Variants in KIFAP3 observed in about 807,000 individuals in gnomAD.
The protein encoded by KIFAP3 is kinesin associated protein 3.
In KIFAP3, 68 loss-of-function variants were observed where a neutral mutation model predicts 106.5. The observed-to-expected ratio is 0.64, with a 90% CI of 0.53 to 0.78. KIFAP3 has a LOEUF of 0.78. Ranked by LOEUF, KIFAP3 falls within the 30% of genes least tolerant of loss-of-function variation. The pLI, the probability that KIFAP3 is intolerant of heterozygous loss-of-function variation, is 0.00. For synonymous variants in KIFAP3, 320 were observed against 311.5 expected (o/e 1.03, Z -0.29); for missense variants, 780 against 941.8 (o/e 0.83, Z 2.25).
At chr1:170,021,941 C>CTTTTTTTTTTTTT (rs71125221) in intron 9 of KIFAP3, among the ~76,000 whole-genome samples, 21 of 77,908 alleles carry the variant, frequency 2.7e-4, no homozygotes, top group East Asian at 4.5e-4. Context: ...TCTTTTCTTT[C>CTTTTTTTTTTTTT]TTTTTTTTTT....
chr1:169,981,543 A>T (rs1666524581), intron 15 of KIFAP3, among the ~76,000 whole-genome samples: 1 of 152,154 alleles, frequency 6.6e-6, no homozygotes, highest in Non-Finnish European at 1.5e-5. Context: ...TATGGTTGTT[A>T]ATCTCTTACT....
At position 170,072,841 on chromosome 1, in the gene KIFAP3, T is replaced by A. The variant is rs1398158720; in HGVS notation, c.32+1595A>T. On this transcript the variant is annotated intron_variant, in intron 1 of 19. Coordinates refer to ENST00000361580, the MANE Select transcript of KIFAP3 (RefSeq NM_014970.4). ...GTCTGAAAACAGACAATTCAAACTT[T>A]TTATTATTTATAGTAAAAATTAGAT... Among the ~76,000 whole-genome samples, 6 of 152,298 alleles carry A rather than the reference T, an allele frequency of 3.9e-5. No homozygotes were observed. The East Asian group carries it at 9.6e-4, about 24-fold the overall frequency.
At chr1:170,077,847 A>G (rs1322433435), upstream of KIFAP3, among the ~76,000 whole-genome samples, 1 of 151,220 alleles carries the variant, frequency 6.6e-6, no homozygotes. Context: ...CATTTAGCAC[A>G]ATGCATTTGA....
intron 2 of KIFAP3, among the ~76,000 whole-genome samples, chr1:170,048,083 A>G (rs765878783): frequency 5.9e-5 from 9 of 152,210 alleles, no homozygotes; most frequent in African/African-American, 1.9e-4. Flanking sequence ...CTTATTATCC[A>G]TATGTAGATG....
chr1:169,930,515 CAT>C (rs1371453977), intron 19 of KIFAP3, among the ~76,000 whole-genome samples: 10 of 152,228 alleles, frequency 6.6e-5, no homozygotes, highest in African/African-American at 2.4e-4. Flanking sequence ...TGAACCCACT[CAT>C]GTGCATGAAA....
At chr1:169,953,627 G>A (rs2101842923) in intron 19 of KIFAP3, among the ~76,000 whole-genome samples, 1 of 152,078 alleles carries the variant, frequency 6.6e-6, no homozygotes, top group East Asian at 1.9e-4. Context: ...CCATTCTCCC[G>A]CCTCAGCCTC....
intron 19 of KIFAP3, among the ~76,000 whole-genome samples, chr1:169,934,717 C>T (rs1663689513): frequency 6.6e-6 from 1 of 151,976 alleles, no homozygotes; most frequent in African/African-American, 2.4e-5. Context: ...ATGGAATGCA[C>T]CATACATTTT....
At chr1:170,031,153 A>G (rs1257617786) in intron 8 of KIFAP3, among the ~76,000 whole-genome samples, 2 of 151,820 alleles carry the variant, frequency 1.3e-5, no homozygotes, top group Non-Finnish European at 3.0e-5. Context: ...ATTTTCTAGC[A>G]TATTTTAAAA....
At chr1:169,949,197 A>G (rs1664605335) in intron 19 of KIFAP3, among the ~76,000 whole-genome samples, 1 of 152,032 alleles carries the variant, frequency 6.6e-6, no homozygotes. Context: ...TATATAATAC[A>G]TATAATGCAT....
chr1:170,019,095 C>T (rs1209018366), intron 9 of KIFAP3, among the ~76,000 whole-genome samples: 3 of 152,112 alleles, frequency 2.0e-5, no homozygotes, highest in Non-Finnish European at 4.4e-5. Flanking sequence ...GCTCCTACAT[C>T]TGCTAACATA....
chr1:169,942,697 A>G (rs1414588663), intron 19 of KIFAP3, among the ~76,000 whole-genome samples: 2 of 152,202 alleles, frequency 1.3e-5, no homozygotes, highest in African/African-American at 4.8e-5. Flanking sequence ...GACAGTACAG[A>G]AAGATCAAAG....
At position 169,991,923 on chromosome 1, in the gene KIFAP3, G is replaced by A. The variant is rs988074110; in HGVS notation, c.1284+232C>T. On this transcript the variant is annotated intron_variant, in intron 11 of 19. Coordinates refer to ENST00000361580, the MANE Select transcript of KIFAP3 (RefSeq NM_014970.4). Reference sequence around the variant, plus strand: ...GTAATCTCAATATATTATTTTTTAAGTATGTAGAGAGAAGTGTACCAAAGT... The same window carrying A: ...GTAATCTCAATATATTATTTTTTAAATATGTAGAGAGAAGTGTACCAAAGT... Among the ~76,000 whole-genome samples, 11 of 151,952 alleles carry A rather than the reference G, an allele frequency of 7.2e-5. No individual in the cohort carries two copies. The South Asian group carries it at 2.3e-3, about 32-fold the overall frequency.
chr1:170,029,410 GCCAAAAAAGAAA>G (rs2102036885), intron 8 of KIFAP3, among the ~76,000 whole-genome samples: 1 of 151,922 alleles, frequency 6.6e-6, no homozygotes, highest in South Asian at 2.1e-4. Context: ...TAACCCAAGG[GCCAAAAAAGAAA>G]CCAAAAGAGA....
chr1:170,065,438 C>T (rs1268108294), intron 1 of KIFAP3, among the ~76,000 whole-genome samples: 4 of 151,408 alleles, frequency 2.6e-5, no homozygotes, highest in Admixed American at 2.6e-4. Flanking sequence ...ATGGTGAAAC[C>T]CTGTCTCTAC....
At chr1:170,006,305 G>C (rs572520259) in intron 10 of KIFAP3, among the ~76,000 whole-genome samples, 1 of 152,252 alleles carries the variant, frequency 6.6e-6, no homozygotes, top group East Asian at 1.9e-4. Context: ...AACATACAAT[G>C]TGCTAGACAT....
upstream of KIFAP3, among the ~76,000 whole-genome samples, chr1:170,075,543 G>A (rs1671884394): frequency 6.6e-6 from 1 of 152,110 alleles, no homozygotes; most frequent in African/African-American, 2.4e-5. Context: ...TTCAAATGTA[G>A]TACATTGATG....
At chr1:170,079,237 C>T, upstream of KIFAP3, among the ~76,000 whole-genome samples, 1 of 152,144 alleles carries the variant, frequency 6.6e-6, no homozygotes, top group Non-Finnish European at 1.5e-5. Flanking sequence ...CCTCTTGCCT[C>T]CTATCTTGCC....
intron 12 of KIFAP3, 102 bp from the exon 13 acceptor site, chr1:169,983,484 G>A: frequency 1.4e-6 from 1 of 712,984 alleles, no homozygotes; most frequent in South Asian, 1.6e-5. Context: ...CTAGTAAAAT[G>A]CATAACTCTT....
Position 169,971,273 on chromosome 1 carries a change from A to G in KIFAP3, c.1983+1240T>C, listed in dbSNP as rs116360334. On this transcript the variant is annotated intron_variant, in intron 17 of 19. Transcript: ENST00000361580. ...AAGTAAGATAATCACATACAGAACTATAAGAAGTTTTTTGTTCTTATACTA... is the reference window on the plus strand; with the variant it reads ...AAGTAAGATAATCACATACAGAACTGTAAGAAGTTTTTTGTTCTTATACTA... Among the ~76,000 whole-genome samples, 481 of 152,162 alleles carry G rather than the reference A, an allele frequency of 3.2e-3. 1 individual carries two copies. Among genetic ancestry groups the G allele is most frequent in the Non-Finnish European group, 5.6e-3 (383 of 67,968 alleles).
Sources: allele counts gnomAD v4.1 joint callset (sites outside exome capture counted in the v4.1 genomes callset), GRCh38; gene constraint gnomAD v4.1.1; transcripts MANE v1.5; gene names NCBI Gene and HGNC (gene_info 2026-07-23, HGNC 2026-07-21).